Variants in IL1RAPL1 observed in about 807,000 individuals in gnomAD.
IL1RAPL1 encodes interleukin-1 receptor accessory protein-like 1.
A neutral mutation model predicts 48.4 loss-of-function variants in IL1RAPL1; 3 were observed. That is an observed-to-expected ratio of 0.06 (90% CI 0.03 to 0.16). IL1RAPL1 has a LOEUF of 0.16. Ranked by LOEUF, IL1RAPL1 falls within the 10% of genes least tolerant of loss-of-function variation. The pLI is 1.00. For synonymous variants in IL1RAPL1, 185 were observed against 187.7 expected (o/e 0.99, Z 0.12); for missense variants, 349 against 530.6 (o/e 0.66, Z 3.36).
At chrX:29,695,808 G>A (rs1164600044) in intron 6 of IL1RAPL1, among the ~76,000 whole-genome samples, 3 of 110,869 alleles carry the variant, frequency 2.7e-5, no homozygotes, top group African/African-American at 9.9e-5. Flanking sequence ...TCAGCAATGG[G>A]GTACCGAGAG....
intron 6 of IL1RAPL1, among the ~76,000 whole-genome samples, chrX:29,907,850 A>ATTGTTTGT (rs36076303): frequency 1.6e-3 from 180 of 109,617 alleles, no homozygotes; most frequent in African/African-American, 5.8e-3. Flanking sequence ...GATTTGTTTA[A>ATTGTTTGT]TTGTTTATTG....
intron 2 of IL1RAPL1, among the ~76,000 whole-genome samples, chrX:29,075,345 A>G (rs1169877963): frequency 1.8e-5 from 2 of 111,763 alleles, no homozygotes; most frequent in African/African-American, 6.5e-5. Context: ...GTTTCTGTGG[A>G]CTATAAATAG....
At chrX:29,746,609 CT>C (rs1443654939) in intron 6 of IL1RAPL1, among the ~76,000 whole-genome samples, 58 of 107,588 alleles carry the variant, frequency 5.4e-4, no homozygotes, top group Admixed American at 4.0e-4. Context: ...AAAGCTCATT[CT>C]TTTTTTTTTT....
At chrX:28,771,162 A>T (rs932761044) in intron 1 of IL1RAPL1, among the ~76,000 whole-genome samples, 1 of 111,226 alleles carries the variant, frequency 9.0e-6, no homozygotes, top group Non-Finnish European at 1.9e-5. Context: ...TAATCATCCC[A>T]CTCTGTCTCT....
At chrX:29,340,553 T>G (rs1933059981) in intron 3 of IL1RAPL1, among the ~76,000 whole-genome samples, 3 of 112,275 alleles carry the variant, frequency 2.7e-5, no homozygotes, top group Non-Finnish European at 5.6e-5. Flanking sequence ...TAATTTTTTT[T>G]GGAATAGCAA....
In IL1RAPL1 at chrX:29,327,723, C is replaced by T. The variant is rs951666117; in HGVS notation, c.362+44506C>T. Among the ~76,000 whole-genome samples the T allele has an allele frequency of 4.6e-5, 5 of 107,770 alleles. No individual in the cohort carries two copies. The Admixed American group carries it at 5.1e-4, about 11-fold the overall frequency. 93.6% of individuals were successfully genotyped at this position (107,770 alleles called of 115,157 possible). On this transcript the variant is annotated intron_variant, in intron 3 of 10. Coordinates refer to ENST00000378993, the MANE Select transcript of IL1RAPL1 (RefSeq NM_014271.4). ...TAGCACTAACATACTCTCTGATGGT[C>T]CCAGTATTAACATGGTTTTTAGGAG...
chrX:28,929,657 A>G (rs1309144001), intron 2 of IL1RAPL1, among the ~76,000 whole-genome samples: 1 of 112,111 alleles, frequency 8.9e-6, no homozygotes, highest in African/African-American at 3.2e-5. Flanking sequence ...CCTGGGAATG[A>G]TTTTCACATT....
At chrX:29,934,765 A>G (rs1398903078) in intron 8 of IL1RAPL1, among the ~76,000 whole-genome samples, 1 of 112,023 alleles carries the variant, frequency 8.9e-6, no homozygotes, top group Non-Finnish European at 1.9e-5. Context: ...AAATTCTTCA[A>G]TGTGAATCCC....
chrX:28,758,037 A>C (rs6628384), intron 1 of IL1RAPL1, among the ~76,000 whole-genome samples: 5,979 of 112,110 alleles, frequency 0.053, 317 homozygotes, highest in East Asian at 0.31. Flanking sequence ...GGGATGACTA[A>C]TATATTTTAA....
At chrX:28,813,257 G>T (rs1289594170) in intron 2 of IL1RAPL1, among the ~76,000 whole-genome samples, 1 of 111,391 alleles carries the variant, frequency 9.0e-6, no homozygotes, top group South Asian at 3.7e-4. Context: ...TTGTTCAAAA[G>T]ATTTTAACAT....
intron 2 of IL1RAPL1, among the ~76,000 whole-genome samples, chrX:28,932,348 A>G (rs919947918): frequency 9.0e-6 from 1 of 111,477 alleles, no homozygotes; most frequent in Non-Finnish European, 1.9e-5. Flanking sequence ...TTTCAGTTGT[A>G]AAGAATCTCT....
intron 1 of IL1RAPL1, among the ~76,000 whole-genome samples, chrX:28,727,081 G>A (rs1174598592): frequency 9.0e-6 from 1 of 111,672 alleles, no homozygotes; most frequent in Non-Finnish European, 1.9e-5. Flanking sequence ...AAAGGCATTG[G>A]TAGCTTGATG....
At chrX:29,020,821 A>G (rs1926347532) in intron 2 of IL1RAPL1, among the ~76,000 whole-genome samples, 1 of 112,289 alleles carries the variant, frequency 8.9e-6, no homozygotes, top group Admixed American at 9.4e-5. Flanking sequence ...AAAAGTTTCT[A>G]TGATTTTGTT....
chrX:29,336,684 G>A (rs185196252), intron 3 of IL1RAPL1, among the ~76,000 whole-genome samples: 8 of 111,227 alleles, frequency 7.2e-5, no homozygotes, highest in African/African-American at 2.6e-4. Flanking sequence ...ATGAAGCATA[G>A]ACAGGTGTGG....
In IL1RAPL1 at chrX:29,668,620, G is replaced by T. The variant is rs188040204; in HGVS notation, c.778+116G>T. The stretch of plus-strand genomic sequence containing the variant: ...AGCTAAATCCATTTGTATTCATAGG[G>T]AACAGAATTAGAAAATGCTAGCATA... On this transcript the variant is annotated intron_variant, in intron 6 of 10. Coordinates refer to ENST00000378993, the MANE Select transcript of IL1RAPL1 (RefSeq NM_014271.4). 676 of 587,387 alleles carry T rather than the reference G, an allele frequency of 1.2e-3. 2 individuals are homozygous for T. The highest frequency in any genetic ancestry group is 5.0e-4 in the Non-Finnish European group (175 of 349,804). 48.4% of individuals were successfully genotyped at this position (587,387 alleles called of 1,213,427 possible).
chrX:29,316,827 A>T (rs946855154), intron 3 of IL1RAPL1, among the ~76,000 whole-genome samples: 1 of 111,973 alleles, frequency 8.9e-6, no homozygotes, highest in Non-Finnish European at 1.9e-5. Flanking sequence ...CCCTTGTCTG[A>T]CATGGCCTTA....
intron 2 of IL1RAPL1, among the ~76,000 whole-genome samples, chrX:28,810,921 G>GA (rs754287011): frequency 9.1e-6 from 1 of 109,334 alleles, no homozygotes; most frequent in Non-Finnish European, 1.9e-5. Context: ...ATGGCCACTT[G>GA]AAAAAAACAA....
At chrX:29,612,907 A>C (rs776609025) in intron 5 of IL1RAPL1, among the ~76,000 whole-genome samples, 1 of 112,238 alleles carries the variant, frequency 8.9e-6, no homozygotes, top group Non-Finnish European at 1.9e-5. Flanking sequence ...ATGTGCCAGA[A>C]ACTGTCCTAG....
At chrX:29,034,924 G>T (rs985942952) in intron 2 of IL1RAPL1, among the ~76,000 whole-genome samples, 1 of 107,110 alleles carries the variant, frequency 9.3e-6, no homozygotes, top group Non-Finnish European at 1.9e-5. Flanking sequence ...GCGGGATCTC[G>T]CCTCACTGCA....
Sources: gnomAD v4.1 joint callset for allele counts (sites outside exome capture counted in the v4.1 genomes callset) on GRCh38, gnomAD v4.1.1 for gene constraint, MANE v1.5 for transcripts, NCBI Gene and HGNC (gene_info 2026-07-23, HGNC 2026-07-21) for gene names.